Variants in RTN1 observed in about 807,000 individuals in gnomAD.
The protein encoded by RTN1 is reticulon-1.
In RTN1, 25 loss-of-function variants were observed where a neutral mutation model predicts 65.5. That is an observed-to-expected ratio of 0.38 (90% CI 0.28 to 0.53). RTN1 has a LOEUF of 0.53. Among genes scored for constraint, RTN1 ranks in the 20% least tolerant of loss-of-function variants. RTN1 has a pLI of 0.79. For synonymous variants in RTN1, 471 were observed against 447.6 expected, an observed-to-expected ratio of 1.05 and a Z score of -0.66; for missense variants, 983 against 1,025.4, an observed-to-expected ratio of 0.96 and a Z score of 0.57.
In RTN1 at chr14:59,727,206, C is replaced by T. The variant is rs752540410; in HGVS notation, c.1478G>A (p.Ser493Asn). The T allele has an allele frequency of 2.0e-5, 32 of 1,578,042 alleles. No individual in the cohort carries two copies. The South Asian group carries it at 3.1e-4, about 15-fold the overall frequency. The change falls in exon 3 of 9, where the codon AGC becomes AAC. Residue 493 changes from serine (S) to asparagine (N), a missense_variant. Physicochemically the swap from Ser to Asn is conservative, Grantham distance 46 (BLOSUM62 1). Coordinates refer to ENST00000267484, the MANE Select transcript of RTN1 (RefSeq NM_021136.3). This position sits in a 1 kb window ranked among gnomAD's most constrained non-coding sequence, Gnocchi z 4.2. ...REQDSPPMKP[S>N]ALDAIREETG... ...CTCCTCCCGGATGGCATCCAGGGCGCTGGGCTTCATCGGGGGTGAGTCCTG... is the reference window on the plus strand; with the variant it reads ...CTCCTCCCGGATGGCATCCAGGGCGTTGGGCTTCATCGGGGGTGAGTCCTG...
chr14:59,612,529 T>C (rs1881983783), intron 3 of RTN1, among the ~76,000 whole-genome samples: 1 of 152,232 alleles, frequency 6.6e-6, no homozygotes, highest in South Asian at 2.1e-4. Flanking sequence ...GTAGCAAATG[T>C]TGTGTACTTT....
intron 1 of RTN1, among the ~76,000 whole-genome samples, chr14:59,750,176 A>T (rs1370219433): frequency 3.1e-5 from 2 of 64,406 alleles, no homozygotes; most frequent in Non-Finnish European, 5.0e-5. Flanking sequence ...TATATCTATA[A>T]TATATAATAC....
At chr14:59,779,143 G>A (rs749120995) in intron 1 of RTN1, among the ~76,000 whole-genome samples, 35 of 152,010 alleles carry the variant, frequency 2.3e-4, no homozygotes, top group Non-Finnish European at 2.5e-4. Flanking sequence ...TGGGGATGGA[G>A]AGGAATAGAT....
chr14:59,844,206 G>A (rs547171157), intron 1 of RTN1, among the ~76,000 whole-genome samples: 45 of 152,308 alleles, frequency 3.0e-4, no homozygotes, highest in Non-Finnish European at 2.2e-4. Context: ...GTACGCTCCC[G>A]AACTCACGTT....
intron 2 of RTN1, among the ~76,000 whole-genome samples, chr14:59,729,516 T>G (rs1957994): frequency 0.4 from 60,355 of 152,082 alleles, 12,318 homozygotes; most frequent in African/African-American, 0.48. Context: ...TACACATAGT[T>G]GTTTGATATG....
intron 3 of RTN1, among the ~76,000 whole-genome samples, chr14:59,679,158 G>A (rs1182893620): frequency 2.0e-5 from 3 of 152,166 alleles, no homozygotes; most frequent in Admixed American, 6.5e-5. Flanking sequence ...ATTTTGTATT[G>A]AGTATTATCA....
At chr14:59,676,979 G>A (rs1169967612) in intron 3 of RTN1, among the ~76,000 whole-genome samples, 1 of 152,194 alleles carries the variant, frequency 6.6e-6, no homozygotes, top group Admixed American at 6.5e-5. Context: ...ATTGATCATT[G>A]TCAGTGTACC....
At chr14:59,632,417 G>A (rs1406286579) in intron 3 of RTN1, among the ~76,000 whole-genome samples, 3 of 152,148 alleles carry the variant, frequency 2.0e-5, no homozygotes, top group Admixed American at 2.0e-4. Flanking sequence ...GATCAGCACC[G>A]ACTTCTCACT....
rs1320583060 is a variant in RTN1 at position 59,750,249 on chromosome 14, A to AATATATATATTATAGATATT, written c.242-3769_242-3768insAATATCTATAATATATATAT. Among the ~76,000 whole-genome samples the AATATATATATTATAGATATT allele has an allele frequency of 4.2e-4, 27 of 64,714 alleles. 1 individual carries two copies. The highest frequency in any genetic ancestry group is 1.9e-3 in the African/African-American group (25 of 13,508). 42.5% of individuals were successfully genotyped at this position (64,714 alleles called of 152,430 possible). A position where few individuals can be genotyped will look rare whatever the true frequency, so the allele number is the denominator to read the frequency against. ...TCTATAATATATATATTATATCTATAATATATAATATATATAATATCTATA... is the reference window on the plus strand; with the variant it reads ...TCTATAATATATATATTATATCTATAATATATATATTATAGATATTATATATAATATATATAATATCTATA... On this transcript the variant is annotated intron_variant, in intron 1 of 8. Transcript: ENST00000267484.
At chr14:59,600,160 G>T (rs1351454391) in intron 8 of RTN1, among the ~76,000 whole-genome samples, 2 of 152,084 alleles carry the variant, frequency 1.3e-5, no homozygotes, top group Non-Finnish European at 2.9e-5. Context: ...CCTAGACAGG[G>T]TCACTCAGTA....
chr14:59,728,249 C>CTTTTTTTTTTTTTTT (rs200434592), intron 2 of RTN1, among the ~76,000 whole-genome samples: 2 of 124,198 alleles, frequency 1.6e-5, no homozygotes, highest in African/African-American at 5.9e-5. Flanking sequence ...GAATCAGTAT[C>CTTTTTTTTTTTTTTT]TTTTTTTTTT....
At chr14:59,828,532 A>G (rs1290466995) in intron 1 of RTN1, among the ~76,000 whole-genome samples, 1 of 152,220 alleles carries the variant, frequency 6.6e-6, no homozygotes, top group Non-Finnish European at 1.5e-5. Context: ...TATGGGGCCC[A>G]GAGGGAAGGT....
rs531884949 is a variant in RTN1 at position 59,672,931 on chromosome 14, C to T, written c.1765+53988G>A. The stretch of plus-strand genomic sequence containing the variant: ...CTGGGATTACAGGCGTGAGCCACCG[C>T]GCCCGGCCAAGATATTTCTTTTTTG... On this transcript the variant is annotated intron_variant, in intron 3 of 8. Transcript: ENST00000267484. Among the ~76,000 whole-genome samples the T allele has an allele frequency of 2.4e-4, 37 of 152,248 alleles. 1 individual carries two copies. In the South Asian group the frequency reaches 6.2e-3, roughly 26 times the overall value.
chr14:59,658,189 TG>T (rs1193641140), intron 3 of RTN1, among the ~76,000 whole-genome samples: 17 of 152,228 alleles, frequency 1.1e-4, no homozygotes, highest in African/African-American at 4.1e-4. Context: ...GTAGACGGAC[TG>T]CCTCTCTAGA....
chr14:59,636,050 A>G (rs2140188388), intron 3 of RTN1, among the ~76,000 whole-genome samples: 1 of 152,354 alleles, frequency 6.6e-6, no homozygotes, highest in South Asian at 2.1e-4. Context: ...AAACTATCAG[A>G]TTGGATGAAA....
chr14:59,751,659 A>ATTTGGAT (rs2139529723), intron 1 of RTN1, among the ~76,000 whole-genome samples: 1 of 152,308 alleles, frequency 6.6e-6, no homozygotes, highest in East Asian at 1.9e-4. Context: ...GCTGTATCTC[A>ATTTGGAT]GTCATTATCA....
At chr14:59,707,742 C>A (rs1053632937) in intron 3 of RTN1, among the ~76,000 whole-genome samples, 5 of 139,770 alleles carry the variant, frequency 3.6e-5, no homozygotes, top group Admixed American at 2.2e-4. Context: ...CACACACACA[C>A]AAATACATAC....
At chr14:59,685,098 G>A (rs987529695) in intron 3 of RTN1, among the ~76,000 whole-genome samples, 4 of 152,148 alleles carry the variant, frequency 2.6e-5, no homozygotes, top group Non-Finnish European at 5.9e-5. Context: ...TTTAGTAGAT[G>A]CAGAAAAAGC....
At chr14:59,623,706 C>A (rs1197632345) in intron 3 of RTN1, among the ~76,000 whole-genome samples, 1 of 152,122 alleles carries the variant, frequency 6.6e-6, no homozygotes, top group East Asian at 1.9e-4. Context: ...CTTCTTAAAA[C>A]CCATCATTGT....
Sources: allele counts gnomAD v4.1 joint callset (sites outside exome capture counted in the v4.1 genomes callset), GRCh38; gene constraint gnomAD v4.1.1; non-coding constraint Gnocchi (gnomAD v3.1); transcripts MANE v1.5; gene names NCBI Gene and HGNC (gene_info 2026-07-23, HGNC 2026-07-21).